The following NPR2 variants were observed in gnomAD, a reference collection of about 807,000 sequenced individuals.
NPR2 encodes natriuretic peptide receptor 2, also known as atrial natriuretic peptide receptor 2.
In NPR2, 49 loss-of-function variants were observed where a neutral mutation model predicts 120.7. The observed-to-expected ratio is 0.41, with a 90% CI of 0.32 to 0.52. NPR2 has a LOEUF of 0.52. NPR2 is among the 20% of genes least tolerant of loss of function. The probability of loss-of-function intolerance (pLI) is 0.36; values close to 1 mark genes in which losing one functional copy is unlikely to be tolerated. For missense variants in NPR2, 931 were observed against 1,362.9 expected (o/e 0.68, Z 4.99); for synonymous variants, 484 against 519.8 (o/e 0.93, Z 0.94).
chr9:35,799,528 AT>A, intron 2 of NPR2, 89 bp from the exon 3 acceptor site: 1 of 941,538 alleles, frequency 1.1e-6, no homozygotes, highest in South Asian at 1.3e-5. Context: ...TATCATGTAT[AT>A]TTTACCAAGT....
Position 35,806,948 on chromosome 9 carries a change from G to T in NPR2, c.2520-75G>T, listed in dbSNP as rs2132094005. The T allele has an allele frequency of 6.5e-7, 1 of 1,530,980 alleles. No homozygotes were observed. Among genetic ancestry groups the T allele is most frequent in the Non-Finnish European group, 9.0e-7 (1 of 1,108,602 alleles). 94.8% of individuals were successfully genotyped at this position (1,530,980 alleles called of 1,614,324 possible). ...CTTGTTACAGCTCATCTCTGCTGCA[G>T]CCACATACACTTTCCCTCTCTCTTC... On this transcript the variant is annotated intron_variant, in intron 16 of 21. Transcript: ENST00000342694. This position sits in a 1 kb window ranked among gnomAD's most constrained non-coding sequence, Gnocchi z 4.6.
At position 35,809,459 on chromosome 9, in the gene NPR2, C is replaced by A; in HGVS notation, c.*14C>A. ...GGACTCCTGTAAACCCCCATTCTTT[C>A]CAAGTCAGATAGTCTTCTGCTGCTG... On this transcript the variant is annotated 3_prime_UTR_variant, in exon 22 of 22. Transcript: ENST00000342694. The surrounding 1 kb of genome is among the most constrained non-coding windows in gnomAD (Gnocchi z 4.1). 1.9e-6 allele frequency: 3 copies of A among 1,614,168 alleles called. No homozygotes were observed. The highest frequency in any genetic ancestry group is 1.3e-5 in the African/African-American group (1 of 75,028).
At position 35,792,043 on chromosome 9, in the gene NPR2, C is replaced by G. The variant is rs1827796690; in HGVS notation, c.-366C>G. On this transcript the variant is annotated 5_prime_UTR_variant, in exon 1 of 22. Coordinates refer to ENST00000342694, the MANE Select transcript of NPR2 (RefSeq NM_003995.4). Reference sequence around the variant, plus strand: ...TTTCTTTGTACCACCCGCCCCCCACCCCCACCCCATCCCAGTCCCAGATCC... The same window carrying G: ...TTTCTTTGTACCACCCGCCCCCCACGCCCACCCCATCCCAGTCCCAGATCC... 1 of 141,472 alleles carries G rather than the reference C, an allele frequency of 7.1e-6. No homozygotes were observed. The highest frequency in any genetic ancestry group is 2.6e-5 in the African/African-American group (1 of 38,796). 8.8% of individuals were successfully genotyped at this position (141,472 alleles called of 1,614,324 possible).
In NPR2 at chr9:35,800,253, G is replaced by A. The variant is rs1243801797; in HGVS notation, c.1123+96G>A. 3 of 1,424,130 alleles carry A rather than the reference G, an allele frequency of 2.1e-6. No individual in the cohort carries two copies. The highest frequency in any genetic ancestry group is 4.5e-5 in the East Asian group (2 of 44,014). 88.2% of individuals were successfully genotyped at this position (1,424,130 alleles called of 1,614,324 possible). On this transcript the variant is annotated intron_variant, in intron 4 of 21. Coordinates refer to ENST00000342694, the MANE Select transcript of NPR2 (RefSeq NM_003995.4). This position sits in a 1 kb window ranked among gnomAD's most constrained non-coding sequence, Gnocchi z 4.7. ...TGTCAGGATCACCACAGCTTTAGTGGGGGTTAGTGAATATGGCAGAGTTGC... is the reference window on the plus strand; with the variant it reads ...TGTCAGGATCACCACAGCTTTAGTGAGGGTTAGTGAATATGGCAGAGTTGC...
At chr9:35,801,890 T>C in intron 8 of NPR2, 36 bp from the exon 9 acceptor site, 1 of 1,611,700 alleles carries the variant, frequency 6.2e-7, no homozygotes, top group Non-Finnish European at 8.5e-7. Flanking sequence ...TAATGTTCCT[T>C]TCATCCTTCC....
intron 2 of NPR2, among the ~76,000 whole-genome samples, chr9:35,797,620 G>A (rs561252847): frequency 5.9e-5 from 9 of 152,250 alleles, no homozygotes; most frequent in South Asian, 4.2e-4. Context: ...CATTTGTGGC[G>A]GACTTTGCTT....
Position 35,805,611 on chromosome 9 carries a change from A to T in NPR2, c.1988A>T (p.Tyr663Phe). The T allele has an allele frequency of 4.3e-6, 7 of 1,614,206 alleles. No homozygotes were observed. Among genetic ancestry groups the T allele is most frequent in the Non-Finnish European group, 5.1e-6 (6 of 1,180,040 alleles). Residue 663 changes from tyrosine to phenylalanine, a missense_variant, in exon 13 of 22, where the codon TAT becomes TTT. By Grantham distance (22) the Tyr-to-Phe change is conservative. Coordinates refer to ENST00000342694, the MANE Select transcript of NPR2 (RefSeq NM_003995.4). The surrounding 1 kb of genome is among the most constrained non-coding windows in gnomAD (Gnocchi z 4.9). ...DSRFVLKITD[Y>F]GLASFRSTAE... ...CGTTTTGTGCTCAAAATCACAGACT[A>T]TGGCCTGGCCAGCTTCCGATCAACT...
At position 35,802,472 on chromosome 9, in the gene NPR2, T is replaced by C; in HGVS notation, c.1711-31T>C. The C allele has an allele frequency of 1.5e-6, 2 of 1,317,312 alleles. No homozygotes were observed. The highest frequency in any genetic ancestry group is 2.2e-6 in the Non-Finnish European group (2 of 908,822). 81.6% of individuals were successfully genotyped at this position (1,317,312 alleles called of 1,614,324 possible). On this transcript the variant is annotated intron_variant, in intron 10 of 21. Transcript: ENST00000342694. This position sits in a 1 kb window ranked among gnomAD's most constrained non-coding sequence, Gnocchi z 4.2. ...ATCTAATTTTTAACTCTTTCAATTTTCTTATCCTTCCCATTGTTTTTTTCT... is the reference window on the plus strand; with the variant it reads ...ATCTAATTTTTAACTCTTTCAATTTCCTTATCCTTCCCATTGTTTTTTTCT...
chr9:35,796,764 G>T (rs1042800241), intron 2 of NPR2, among the ~76,000 whole-genome samples: 1 of 152,180 alleles, frequency 6.6e-6, no homozygotes, highest in African/African-American at 2.4e-5. Flanking sequence ...GGGGTGATAA[G>T]GTGCCCCGCC....
intron 2 of NPR2, among the ~76,000 whole-genome samples, chr9:35,794,688 T>A (rs993118067): frequency 6.6e-6 from 1 of 152,120 alleles, no homozygotes; most frequent in Non-Finnish European, 1.5e-5. Context: ...ATGGGCGTGT[T>A]TGAGAGACCA....
At chr9:35,801,837 C>A in intron 8 of NPR2, 74 bp downstream of exon 8, 1 of 1,607,574 alleles carries the variant, frequency 6.2e-7, no homozygotes, top group Non-Finnish European at 8.5e-7. Flanking sequence ...TCTCTCCCAG[C>A]ACATTGGCTT....
Position 35,799,602 on chromosome 9 carries a change from T to C in NPR2, c.874-16T>C, listed in dbSNP as rs1374662286. Reference sequence around the variant, plus strand: ...CTTGAATCCTGTTCACTCTTCCCCATATGCTGCTGGTACAGACTGTATTGG... The same window carrying C: ...CTTGAATCCTGTTCACTCTTCCCCACATGCTGCTGGTACAGACTGTATTGG... On this transcript the variant is annotated splice_polypyrimidine_tract_variant and intron_variant, in intron 2 of 21. Transcript: ENST00000342694. 8.9e-6 allele frequency: 14 copies of C among 1,565,944 alleles called. No individual in the cohort carries two copies. The Admixed American group carries it at 2.3e-4, about 26-fold the overall frequency.
chr9:35,808,153 A>C lies in NPR2; in HGVS notation c.2713-356A>C. 6.3e-7 allele frequency: 1 copy of C among 1,592,762 alleles called. No homozygotes were observed. Among genetic ancestry groups the C allele is most frequent in the Non-Finnish European group, 8.6e-7 (1 of 1,160,942 alleles). On this transcript the variant is annotated intron_variant, in intron 18 of 21. Transcript: ENST00000342694. The surrounding 1 kb of genome is among the most constrained non-coding windows in gnomAD (Gnocchi z 4.0). ...CAGTTTGGGCTGTCAGGTCCATTTC[A>C]CTGGGCCTGCTTTACCTCCTCACCA...
chr9:35,802,913 C>A lies in NPR2; in HGVS notation c.1887+110C>A, dbSNP rs1367852910. On this transcript the variant is annotated intron_variant, in intron 12 of 21. Coordinates refer to ENST00000342694, the MANE Select transcript of NPR2 (RefSeq NM_003995.4). This position sits in a 1 kb window ranked among gnomAD's most constrained non-coding sequence, Gnocchi z 4.2. ...TCTGAAGTCCTGTTCTCTCATCTCC[C>A]CTTATTCCCATGGTCTGGTAATAAT... 3 of 795,516 alleles carry A rather than the reference C, an allele frequency of 3.8e-6. No homozygotes were observed. The highest frequency in any genetic ancestry group is 3.5e-5 in the Admixed American group (2 of 56,682). The allele number at this position is 795,516 out of a possible 1,614,324, so 49.3% of individuals were successfully genotyped here. A position where few individuals can be genotyped will look rare whatever the true frequency, so the allele number is the denominator to read the frequency against.
chr9:35,809,282 G>A lies in NPR2; in HGVS notation c.3078+35G>A, dbSNP rs755678798. On this transcript the variant is annotated intron_variant, in intron 21 of 21. Coordinates refer to ENST00000342694, the MANE Select transcript of NPR2 (RefSeq NM_003995.4). This position sits in a 1 kb window ranked among gnomAD's most constrained non-coding sequence, Gnocchi z 4.1. Reference sequence around the variant, plus strand: ...GGCCATGGGGAGGGGGGCATGGAAAGGGAGGGTGAAAGTGATTATGGGAAT... The same window carrying A: ...GGCCATGGGGAGGGGGGCATGGAAAAGGAGGGTGAAAGTGATTATGGGAAT... 18 of 1,611,582 alleles carry A rather than the reference G, an allele frequency of 1.1e-5. No individual in the cohort carries two copies. The Admixed American group carries it at 2.7e-4, about 24-fold the overall frequency.
rs773972959 is a variant in NPR2 at position 35,809,293 on chromosome 9, A to G, written c.3078+46A>G. 1.2e-6 allele frequency: 2 copies of G among 1,610,892 alleles called. No individual in the cohort carries two copies. On this transcript the variant is annotated intron_variant, in intron 21 of 21. Transcript: ENST00000342694. This position sits in a 1 kb window ranked among gnomAD's most constrained non-coding sequence, Gnocchi z 4.1. ...GGGGGGCATGGAAAGGGAGGGTGAA[A>G]GTGATTATGGGAATCATAGGGAAAG...
chr9:35,800,266 A>G lies in NPR2; in HGVS notation c.1123+109A>G. The G allele has an allele frequency of 7.1e-7, 1 of 1,402,906 alleles. No homozygotes were observed. The highest frequency in any genetic ancestry group is 1.0e-6 in the Non-Finnish European group (1 of 987,466). The allele number at this position is 1,402,906 out of a possible 1,614,324, so 86.9% of individuals were successfully genotyped here. On this transcript the variant is annotated intron_variant, in intron 4 of 21. Transcript: ENST00000342694. This position sits in a 1 kb window ranked among gnomAD's most constrained non-coding sequence, Gnocchi z 4.7. ...ACAGCTTTAGTGGGGGTTAGTGAAT[A>G]TGGCAGAGTTGCCCACACCTCAAGA... is the stretch of plus-strand genomic sequence containing the variant.
At chr9:35,803,453 A>G (rs572746945) in intron 12 of NPR2, among the ~76,000 whole-genome samples, 1 of 152,256 alleles carries the variant, frequency 6.6e-6, no homozygotes, top group African/African-American at 2.4e-5. Flanking sequence ...CTCTCCGAAC[A>G]TATTTATCTC....
Position 35,800,992 on chromosome 9 carries a change from C to A in NPR2, c.1352-78C>A. ...TTCTTCCTACTCCCAAGGAGTCTGT[C>A]TATGCACCTATGCACCCCGTTCTCC... On this transcript the variant is annotated intron_variant, in intron 6 of 21. Transcript: ENST00000342694. The surrounding 1 kb of genome is among the most constrained non-coding windows in gnomAD (Gnocchi z 4.7). 2.7e-6 allele frequency: 4 copies of A among 1,490,246 alleles called. No individual in the cohort carries two copies. The highest frequency in any genetic ancestry group is 1.4e-5 in the African/African-American group (1 of 72,514). 92.3% of individuals were successfully genotyped at this position (1,490,246 alleles called of 1,614,324 possible).
Sources: gnomAD v4.1 joint callset for allele counts (sites outside exome capture counted in the v4.1 genomes callset) on GRCh38, gnomAD v4.1.1 for gene constraint, Gnocchi (gnomAD v3.1) non-coding constraint, MANE v1.5 for transcripts, NCBI Gene and HGNC (gene_info 2026-07-23, HGNC 2026-07-21) for gene names.